Variants in REV3L observed in about 807,000 individuals in gnomAD.
The protein encoded by REV3L is DNA polymerase zeta catalytic subunit.
A neutral mutation model predicts 299.4 loss-of-function variants in REV3L; 69 were observed. The ratio of observed to expected loss-of-function variants is 0.23; its 90% CI spans 0.19 to 0.28. The LOEUF is 0.28. Among genes scored for constraint, REV3L ranks in the 10% least tolerant of loss-of-function variants. The pLI is 1.00. For synonymous variants in REV3L, 1,238 were observed against 1,271.4 expected (o/e 0.97, Z 0.56); for missense variants, 3,128 against 3,693.8 (o/e 0.85, Z 3.97).
chr6:111,315,433 A>G (rs1195050435), intron 26 of REV3L, 52 bp from the exon 27 acceptor site: 1 of 1,441,046 alleles, frequency 6.9e-7, no homozygotes, highest in Non-Finnish European at 9.6e-7. Context: ...TATAACAAAA[A>G]TTTTATCAAG....
At chr6:111,447,768 C>A (rs71562292) in intron 1 of REV3L, among the ~76,000 whole-genome samples, 57 of 152,158 alleles carry the variant, frequency 3.7e-4, no homozygotes, top group Non-Finnish European at 7.1e-4. Context: ...TGGTCAACCC[C>A]TCTTTCAGAA....
In REV3L at chr6:111,466,488, A is replaced by G. The variant is rs529341336; in HGVS notation, c.139+16262T>C. 2.0e-5 allele frequency among the ~76,000 whole-genome samples: 3 copies of G among 152,300 alleles called. 1 individual carries two copies. The highest frequency in any genetic ancestry group is 7.2e-5 in the African/African-American group (3 of 41,560). ...ATCAGTTTAATACCAGCTTTTCAGG[A>G]GGGAAAATTACTGTATTAAATGTAC... On this transcript the variant is annotated intron_variant, in intron 1 of 31. Coordinates refer to ENST00000368802, the MANE Select transcript of REV3L (RefSeq NM_001372078.1).
At chr6:111,356,445 G>A (rs1045554498) in intron 18 of REV3L, among the ~76,000 whole-genome samples, 4 of 151,924 alleles carry the variant, frequency 2.6e-5, no homozygotes, top group Admixed American at 6.6e-5. Flanking sequence ...ACTGAGGACC[G>A]ACTACCAAAT....
At chr6:111,448,876 C>T (rs973724168) in intron 1 of REV3L, among the ~76,000 whole-genome samples, 1 of 146,192 alleles carries the variant, frequency 6.8e-6, no homozygotes, top group Admixed American at 6.9e-5. Flanking sequence ...GAGTTAGAGA[C>T]TCCTCAAGCA....
intron 1 of REV3L, chr6:111,430,741 T>G (rs2128298499): frequency 6.4e-7 from 1 of 1,567,734 alleles, no homozygotes; most frequent in Non-Finnish European, 8.8e-7. Flanking sequence ...AAGATAAGTT[T>G]AAAAGCAATA....
chr6:111,348,555 A>C (rs1291644444), intron 20 of REV3L, among the ~76,000 whole-genome samples: 1 of 152,228 alleles, frequency 6.6e-6, no homozygotes, highest in African/African-American at 2.4e-5. Context: ...ATAATAAATC[A>C]ACAAGGCCAG....
At chr6:111,308,543 C>A (rs147154183) in intron 30 of REV3L, among the ~76,000 whole-genome samples, 32 of 152,254 alleles carry the variant, frequency 2.1e-4, no homozygotes, top group African/African-American at 7.7e-4. Context: ...CATTTTCGCA[C>A]CATCGTTAAG....
At chr6:111,324,647 G>A (rs1253839877) in intron 25 of REV3L, among the ~76,000 whole-genome samples, 1 of 152,156 alleles carries the variant, frequency 6.6e-6, no homozygotes, top group African/African-American at 2.4e-5. Flanking sequence ...GAACTCTGCA[G>A]TTACCCCTGA....
rs143997657 is a variant in REV3L at position 111,445,893 on chromosome 6, C to T, written c.140-29421G>A. Among the ~76,000 whole-genome samples, 338 of 152,182 alleles carry T rather than the reference C, an allele frequency of 2.2e-3. 1 individual carries two copies. Among genetic ancestry groups the T allele is most frequent in the Middle Eastern group, 6.8e-3 (2 of 294 alleles). Reference sequence around the variant, plus strand: ...GCAAAGGTATGGGGGTTAGACAAAGCATAGGATATATTCAGGAAATGCCAA... The same window carrying T: ...GCAAAGGTATGGGGGTTAGACAAAGTATAGGATATATTCAGGAAATGCCAA... On this transcript the variant is annotated intron_variant, in intron 1 of 31. Coordinates refer to ENST00000368802, the MANE Select transcript of REV3L (RefSeq NM_001372078.1).
At chr6:111,300,369 A>G (rs1485493790) in intron 31 of REV3L, among the ~76,000 whole-genome samples, 3 of 152,176 alleles carry the variant, frequency 2.0e-5, no homozygotes. Flanking sequence ...ATAGAGTACA[A>G]ATTTCCCTAA....
intron 1 of REV3L, among the ~76,000 whole-genome samples, chr6:111,473,596 T>C (rs1439694530): frequency 6.6e-6 from 1 of 151,844 alleles, no homozygotes; most frequent in Non-Finnish European, 1.5e-5. Context: ...TAATCTATTC[T>C]AGATTATAGA....
chr6:111,437,632 A>G (rs1156328159), intron 1 of REV3L, among the ~76,000 whole-genome samples: 1 of 152,062 alleles, frequency 6.6e-6, no homozygotes. Flanking sequence ...TGAAATGTCC[A>G]AAATAGGCAA....
At chr6:111,431,547 C>A in intron 1 of REV3L, 1 of 811,922 alleles carries the variant, frequency 1.2e-6, no homozygotes, top group Non-Finnish European at 2.1e-6. Flanking sequence ...CCAACATGAT[C>A]TGTCTCTTGG....
In REV3L at chr6:111,357,077, A is replaced by G. The variant is rs775934508; in HGVS notation, c.7121T>C (p.Leu2374Pro). The G allele has an allele frequency of 6.2e-7, 1 of 1,602,058 alleles. No individual in the cohort carries two copies. The highest frequency in any genetic ancestry group is 1.1e-5 in the South Asian group (1 of 88,550). The change falls in exon 18 of 32, where the codon CTC becomes CCC. Residue 2374 changes from leucine (L) to proline (P), a missense_variant. Leu to Pro is a moderately conservative substitution (Grantham distance 98). Coordinates refer to ENST00000368802, the MANE Select transcript of REV3L (RefSeq NM_001372078.1). ...CTCATCAGCAGCATAGGTGACTTCGAGTCCTGTAATTCCAGATCTAATAAG... is the reference window on the plus strand; with the variant it reads ...CTCATCAGCAGCATAGGTGACTTCGGGTCCTGTAATTCCAGATCTAATAAG... The part of the protein sequence containing the change: ...PLLIRSGITG[L>P]EVTYAADEKA...
At chr6:111,438,008 T>G (rs1787790294) in intron 1 of REV3L, among the ~76,000 whole-genome samples, 1 of 136,098 alleles carries the variant, frequency 7.3e-6, no homozygotes, top group African/African-American at 2.5e-5. Flanking sequence ...ATGTGACACC[T>G]GCCTAATTTT....
In REV3L at chr6:111,385,647, GA is replaced by G. The variant is rs1391913589; in HGVS notation, c.1096+2117del. On this transcript the variant is annotated intron_variant, in intron 9 of 31. Transcript: ENST00000368802. ...CTTTTTTTTTTAAATGGGGGGAAAA[GA>G]AGTTAACATTTTTTTTTGAAGATTT... 7.2e-5 allele frequency among the ~76,000 whole-genome samples: 11 copies of G among 151,914 alleles called. No individual in the cohort carries two copies. In the Middle Eastern group the frequency reaches 0.017, roughly 235 times the overall value.
intron 1 of REV3L, among the ~76,000 whole-genome samples, chr6:111,467,276 TAGG>T (rs1791624461): frequency 6.6e-6 from 1 of 152,262 alleles, no homozygotes; most frequent in African/African-American, 2.4e-5. Flanking sequence ...AGATGTGGCA[TAGG>T]AGGTCACAGA....
At chr6:111,422,616 A>G (rs1328056166) in intron 1 of REV3L, among the ~76,000 whole-genome samples, 239 of 17,638 alleles carry the variant, frequency 0.014, 38 homozygotes, top group South Asian at 0.024. Flanking sequence ...ATATATACAC[A>G]TATATATATA....
intron 26 of REV3L, among the ~76,000 whole-genome samples, chr6:111,316,286 G>A (rs1230260120): frequency 2.0e-5 from 3 of 151,260 alleles, no homozygotes; most frequent in Admixed American, 1.3e-4. Flanking sequence ...CACAAAATAA[G>A]AGACTATATG....
Sources: gnomAD v4.1 joint callset for allele counts (sites outside exome capture counted in the v4.1 genomes callset) on GRCh38, gnomAD v4.1.1 for gene constraint, MANE v1.5 for transcripts, NCBI Gene and HGNC (gene_info 2026-07-23, HGNC 2026-07-21) for gene names.